NDUFA5: variants seen among roughly 807,000 people sequenced by gnomAD.
NDUFA5 encodes NADH:ubiquinone oxidoreductase subunit A5.
In NDUFA5, 11 loss-of-function variants were observed where a neutral mutation model predicts 19.8. That is an observed-to-expected ratio of 0.56 (90% CI 0.35 to 0.92). NDUFA5 has a LOEUF of 0.92. NDUFA5 is among the 40% of genes least tolerant of loss of function. The pLI is 0.01. For synonymous variants in NDUFA5, 47 were observed against 46.8 expected (o/e 1.00, Z -0.01); for missense variants, 109 against 134.2 (o/e 0.81, Z 0.93).
chr7:123,545,568 T>C (rs539349018), intron 4 of NDUFA5, 43 bp downstream of exon 4: 1 of 1,470,938 alleles, frequency 6.8e-7, no homozygotes, highest in Admixed American at 1.7e-5. Flanking sequence ...CAGTTGTGTG[T>C]CTCTATGAAA....
chr7:123,597,612 A>G, the NDUFA5 span, among the ~76,000 whole-genome samples: 1 of 152,040 alleles, frequency 6.6e-6, no homozygotes, highest in Non-Finnish European at 1.5e-5. Context: ...TGGGCAGATC[A>G]CTTGAGGTCA....
chr7:123,565,883 G>T, the NDUFA5 span, among the ~76,000 whole-genome samples: 1 of 152,152 alleles, frequency 6.6e-6, no homozygotes, highest in East Asian at 1.9e-4. Flanking sequence ...GCCAGGCGTG[G>T]TGGCACGCAC....
the NDUFA5 span, among the ~76,000 whole-genome samples, chr7:123,573,096 TC>T: frequency 6.6e-6 from 1 of 152,130 alleles, no homozygotes; most frequent in African/African-American, 2.4e-5. Context: ...CTAAAAGTAC[TC>T]CCTGAAATCA....
chr7:123,542,240 A>G lies in NDUFA5; in HGVS notation c.250-20T>C, dbSNP rs776219966. 6.3e-7 allele frequency: 1 copy of G among 1,578,860 alleles called. No homozygotes were observed. Among genetic ancestry groups the G allele is most frequent in the Admixed American group, 1.8e-5 (1 of 56,650 alleles). ...TTCAGCCTGTTAATACAAATTTTTT[A>G]AAAGATCATTGGATTTTACTCTTCA... On this transcript the variant is annotated intron_variant, in intron 4 of 4. Coordinates refer to ENST00000355749, the MANE Select transcript of NDUFA5 (RefSeq NM_005000.5).
At position 123,557,344 on chromosome 7, in the gene NDUFA5, G is replaced by GGTTTTTAGTCTT. The variant is rs1248465333; in HGVS notation, c.66+59_66+60insAAGACTAAAAAC. On this transcript the variant is annotated intron_variant, in intron 2 of 4. Coordinates refer to ENST00000355749, the MANE Select transcript of NDUFA5 (RefSeq NM_005000.5). ...TCCCGTTAACCCTGCAATAAGCAAA[G>GGTTTTTAGTCTT]TGACAGGAATTTAGTCTTCCTTGGG... The GGTTTTTAGTCTT allele has an allele frequency of 2.5e-6, 4 of 1,608,672 alleles. No individual in the cohort carries two copies. In the South Asian group the frequency reaches 3.3e-5, roughly 13 times the overall value.
chr7:123,555,205 G>A (rs1345881491), intron 2 of NDUFA5: 4 of 152,232 alleles, frequency 2.6e-5, no homozygotes, highest in South Asian at 2.1e-4. Context: ...TAAAGCATTC[G>A]GGCTTTATTC....
chr7:123,596,184 G>C, the NDUFA5 span, among the ~76,000 whole-genome samples: 1 of 152,086 alleles, frequency 6.6e-6, no homozygotes, highest in East Asian at 1.9e-4. Flanking sequence ...AAAAAATTGG[G>C]GGGAGGCAAA....
At chr7:123,575,822 T>TA in the NDUFA5 span, among the ~76,000 whole-genome samples, 1 of 150,990 alleles carries the variant, frequency 6.6e-6, no homozygotes, top group African/African-American at 2.4e-5. Flanking sequence ...TTTTCTTTTT[T>TA]TTTTTTTTTG....
At chr7:123,599,815 C>A in the NDUFA5 span, among the ~76,000 whole-genome samples, 2 of 152,074 alleles carry the variant, frequency 1.3e-5, no homozygotes, top group Non-Finnish European at 2.9e-5. Flanking sequence ...ATTTTGTATA[C>A]CTTCCTTGGA....
chr7:123,548,118 TA>T (rs1433641924), intron 3 of NDUFA5, among the ~76,000 whole-genome samples: 2 of 152,196 alleles, frequency 1.3e-5, no homozygotes, highest in Non-Finnish European at 2.9e-5. Flanking sequence ...AAGTTACTTT[TA>T]TTTCCACCTT....
chr7:123,556,485 T>C (rs1798544364), intron 2 of NDUFA5: 1 of 166,556 alleles, frequency 6.0e-6, no homozygotes, highest in Non-Finnish European at 1.3e-5. Flanking sequence ...ATTTTAAAAG[T>C]GGGCATAAGA....
At chr7:123,548,804 ACT>A (rs754098001) in intron 3 of NDUFA5, among the ~76,000 whole-genome samples, 3,576 of 152,238 alleles carry the variant, frequency 0.023, 86 homozygotes, top group Non-Finnish European at 0.029. Context: ...AAATCCTTAA[ACT>A]CAGCCTTTGA....
rs539550485 is a variant in NDUFA5 at position 123,539,142 on chromosome 7, C to T, written c.*2977G>A. 1 of 152,176 alleles carries T rather than the reference C, an allele frequency of 6.6e-6. No homozygotes were observed. The highest frequency in any genetic ancestry group is 1.9e-4 in the East Asian group (1 of 5,200). The allele number at this position is 152,176 out of a possible 1,614,324, so 9.4% of individuals were successfully genotyped here. A position where few individuals can be genotyped will look rare whatever the true frequency, so the allele number is the denominator to read the frequency against. On this transcript the variant is annotated 3_prime_UTR_variant, in exon 5 of 5. Transcript: ENST00000355749. ...CAATTCATTCTATTCCAATGACAGA[C>T]TAGTTGATCCTACTGGTGTGGGAAA...
the NDUFA5 span, among the ~76,000 whole-genome samples, chr7:123,580,428 G>A: frequency 6.6e-6 from 1 of 151,966 alleles, no homozygotes; most frequent in Non-Finnish European, 1.5e-5. Context: ...CCTCTGCTGT[G>A]AGCCACTTGA....
intron 2 of NDUFA5, among the ~76,000 whole-genome samples, chr7:123,553,052 G>A (rs1465328982): frequency 1.3e-5 from 2 of 152,148 alleles, no homozygotes; most frequent in African/African-American, 4.8e-5. Context: ...ACCAGCCCCA[G>A]ACAGTCGCTA....
At chr7:123,564,822 A>T in the NDUFA5 span, among the ~76,000 whole-genome samples, 2 of 151,370 alleles carry the variant, frequency 1.3e-5, no homozygotes, top group Non-Finnish European at 2.9e-5. Flanking sequence ...TGGATTTTTG[A>T]CTTATGATAT....
At chr7:123,599,734 T>A in the NDUFA5 span, among the ~76,000 whole-genome samples, 1 of 152,238 alleles carries the variant, frequency 6.6e-6, no homozygotes, top group Non-Finnish European at 1.5e-5. Flanking sequence ...GCTATAATTA[T>A]CATTTTGAAA....
the NDUFA5 span, among the ~76,000 whole-genome samples, chr7:123,566,621 G>A: frequency 2.0e-5 from 3 of 151,992 alleles, no homozygotes; most frequent in African/African-American, 4.8e-5. Flanking sequence ...TAGGACAGAA[G>A]AAATATTTAT....
intron 2 of NDUFA5, among the ~76,000 whole-genome samples, chr7:123,552,301 C>T (rs1225650484): frequency 6.6e-6 from 1 of 151,946 alleles, no homozygotes; most frequent in Non-Finnish European, 1.5e-5. Context: ...GAATACTATG[C>T]AGCCATAAAA....
Sources: gnomAD v4.1 joint callset for allele counts (sites outside exome capture counted in the v4.1 genomes callset) on GRCh38, gnomAD v4.1.1 for gene constraint, MANE v1.5 for transcripts, NCBI Gene and HGNC (gene_info 2026-07-23, HGNC 2026-07-21) for gene names.